The following TPCN2 variants were observed in gnomAD, a reference collection of about 807,000 sequenced individuals.
TPCN2 encodes two pore segment channel 2.
TPCN2 carries 92 observed loss-of-function variants against 111.4 expected under a neutral mutation model. The observed-to-expected ratio is 0.83, with a 90% confidence interval of 0.70 to 0.98. The LOEUF (loss-of-function observed/expected upper bound fraction) is 0.98. Ranked by LOEUF, TPCN2 falls within the 50% of genes least tolerant of loss-of-function variation. The probability of loss-of-function intolerance (pLI) is 0.00; values close to 1 mark genes in which losing one functional copy is unlikely to be tolerated. For synonymous variants in TPCN2, 405 were observed against 414.5 expected, an observed-to-expected ratio of 0.98 and a Z score of 0.28; for missense variants, 995 against 980.1, an observed-to-expected ratio of 1.02 and a Z score of -0.20.
chr11:69,088,154 G>A lies in TPCN2; in HGVS notation c.*201G>A. ...CTACAGAACAGCTGCTGGTGCTTCA[G>A]GGAGGCGCCGTGCCCTCCGCTTTCT... On this transcript the variant is annotated 3_prime_UTR_variant, in exon 25 of 25. Transcript: ENST00000294309. 1 of 559,960 alleles carries A rather than the reference G, an allele frequency of 1.8e-6. No homozygotes were observed. Among genetic ancestry groups the A allele is most frequent in the Non-Finnish European group, 3.2e-6 (1 of 314,642 alleles). The allele number at this position is 559,960 out of a possible 1,614,324, so 34.7% of individuals were successfully genotyped here. A position where few individuals can be genotyped will look rare whatever the true frequency, so the allele number is the denominator to read the frequency against.
intron 13 of TPCN2, among the ~76,000 whole-genome samples, chr11:69,076,803 A>G (rs146704930): frequency 0.031 from 95 of 3,016 alleles, 7 homozygotes; most frequent in Admixed American, 0.058. Context: ...CCCTCCTGCC[A>G]TGTCCCTCCA....
chr11:69,060,951 C>T (rs113934929), intron 5 of TPCN2, among the ~76,000 whole-genome samples: 25 of 152,314 alleles, frequency 1.6e-4, no homozygotes, highest in African/African-American at 5.8e-4. Context: ...CTCAGTCCTG[C>T]GCCAGGCCCT....
intron 13 of TPCN2, among the ~76,000 whole-genome samples, chr11:69,076,952 GTGTCCCTCCACCTGCCCTCCTGCCA>G (rs1855795407): frequency 3.3e-5 from 1 of 30,134 alleles, no homozygotes; most frequent in Non-Finnish European, 5.8e-5. Context: ...CCCTCCTGCT[GTGTCCCTCCACCTGCCCTCCTGCCA>G]TGTCCCTCCA....
At chr11:69,080,143 C>T (rs1855944541) in intron 17 of TPCN2, among the ~76,000 whole-genome samples, 2 of 152,340 alleles carry the variant, frequency 1.3e-5, no homozygotes, top group African/African-American at 4.8e-5. Flanking sequence ...TTGGAGATGC[C>T]CTCCCGGGCG....
intron 20 of TPCN2, 97 bp from the exon 21 acceptor site, chr11:69,085,574 G>C: frequency 2.3e-6 from 2 of 876,202 alleles, no homozygotes; most frequent in South Asian, 1.4e-5. Context: ...GTACCTTCAG[G>C]CCAGGCTGAG....
chr11:69,063,808 C>T lies in TPCN2; in HGVS notation c.654-87C>T, dbSNP rs1855132089. 6.9e-6 allele frequency: 9 copies of T among 1,301,632 alleles called. 1 individual carries two copies. Among genetic ancestry groups the T allele is most frequent in the South Asian group, 3.7e-5 (3 of 81,846 alleles). The allele number at this position is 1,301,632 out of a possible 1,614,324, so 80.6% of individuals were successfully genotyped here. Reference sequence around the variant, plus strand: ...ACCCCAGCTGCTGCAGACTCTTGGGCGCTCCTGTCACCGAGCCCTGCAGGC... The same window carrying T: ...ACCCCAGCTGCTGCAGACTCTTGGGTGCTCCTGTCACCGAGCCCTGCAGGC... On this transcript the variant is annotated intron_variant, in intron 6 of 24. Transcript: ENST00000294309.
chr11:69,053,296 C>T (rs1423766916), intron 1 of TPCN2, among the ~76,000 whole-genome samples: 6 of 152,202 alleles, frequency 3.9e-5, no homozygotes, highest in Non-Finnish European at 5.9e-5. Flanking sequence ...CTGGGGGACT[C>T]GGGCGTTCCT....
chr11:69,053,488 T>G (rs1406995334), intron 1 of TPCN2, among the ~76,000 whole-genome samples: 2 of 151,090 alleles, frequency 1.3e-5, no homozygotes, highest in Non-Finnish European at 1.5e-5. Flanking sequence ...GGTGGGACAC[T>G]GGGTACAGTG....
intron 2 of TPCN2, 79 bp downstream of exon 2, chr11:69,054,176 A>T (rs1223657411): frequency 8.1e-7 from 1 of 1,231,628 alleles, no homozygotes; most frequent in Non-Finnish European, 1.2e-6. Context: ...GGGGCGACTG[A>T]CTGGGTCCAA....
intron 17 of TPCN2, among the ~76,000 whole-genome samples, 190 bp from the exon 18 acceptor site, chr11:69,081,210 G>T (rs1260799571): frequency 6.6e-6 from 1 of 152,150 alleles, no homozygotes; most frequent in East Asian, 1.9e-4. Flanking sequence ...AAGCGGAGCA[G>T]TGAGTAGCCC....
chr11:69,058,741 C>T (rs1200927045), intron 5 of TPCN2, among the ~76,000 whole-genome samples: 2 of 152,204 alleles, frequency 1.3e-5, no homozygotes, highest in Non-Finnish European at 2.9e-5. Flanking sequence ...GTGGCCACCT[C>T]CTTCCTGTCT....
Position 69,089,252 on chromosome 11 carries a change from A to G in TPCN2, c.*1299A>G, listed in dbSNP as rs1856376149. The stretch of plus-strand genomic sequence containing the variant: ...TTTACTCGTGTTGAATAATAACAAT[A>G]ACAATAACAATAACAATATGGAAAC... On this transcript the variant is annotated 3_prime_UTR_variant, in exon 25 of 25. Coordinates refer to ENST00000294309, the MANE Select transcript of TPCN2 (RefSeq NM_139075.4). The G allele has an allele frequency of 6.6e-6, 1 of 152,172 alleles. No individual in the cohort carries two copies. The highest frequency in any genetic ancestry group is 2.4e-5 in the African/African-American group (1 of 41,428). 9.4% of individuals were successfully genotyped at this position (152,172 alleles called of 1,614,324 possible). A position where few individuals can be genotyped will look rare whatever the true frequency, so the allele number is the denominator to read the frequency against.
Position 69,080,606 on chromosome 11 carries a change from T to C in TPCN2, c.1589+723T>C, listed in dbSNP as rs376110494. ...GGTTAGGCCGGGCTCCTTGGGTCTC[T>C]GTGTGCTGTGTCATCCACCCCACTG... On this transcript the variant is annotated intron_variant, in intron 17 of 24. Coordinates refer to ENST00000294309, the MANE Select transcript of TPCN2 (RefSeq NM_139075.4). Among the ~76,000 whole-genome samples, 127 of 152,302 alleles carry C rather than the reference T, an allele frequency of 8.3e-4. 1 individual carries two copies. Among genetic ancestry groups the C allele is most frequent in the African/African-American group, 2.9e-3 (122 of 41,578 alleles).
At chr11:69,051,574 CG>C (rs1193024660) in intron 1 of TPCN2, among the ~76,000 whole-genome samples, 1 of 152,184 alleles carries the variant, frequency 6.6e-6, no homozygotes, top group Non-Finnish European at 1.5e-5. Context: ...CTGGATGTTG[CG>C]GGGCAGAGGC....
chr11:69,075,195 A>G (rs537322508), intron 13 of TPCN2, among the ~76,000 whole-genome samples: 11 of 152,326 alleles, frequency 7.2e-5, no homozygotes, highest in African/African-American at 2.6e-4. Flanking sequence ...TTTGGGAGCC[A>G]CAATAGCCTT....
At chr11:69,084,400 T>C (rs563821130) in intron 19 of TPCN2, among the ~76,000 whole-genome samples, 1 of 152,334 alleles carries the variant, frequency 6.6e-6, no homozygotes, top group Admixed American at 6.5e-5. Flanking sequence ...AGCCCTGGGA[T>C]GAGGACTTGG....
chr11:69,081,412 G>A lies in TPCN2; in HGVS notation c.1602G>A (p.Met534Ile), dbSNP rs1356781530. Residue 534 changes from methionine to isoleucine, a missense_variant, in exon 18 of 25, where the codon ATG becomes ATA. Physicochemically the swap from Met to Ile is conservative, Grantham distance 10. Transcript: ENST00000294309. ...RLPHPGWRPEMVGLLSLWDMT... is the reference protein window; with the variant it reads ...RLPHPGWRPEIVGLLSLWDMT... ...TGTCTCTCCCCAGGAGGCCGGAGAT[G>A]GTGGGCCTGCTGTCGCTGTGGGACA... The A allele has an allele frequency of 1.9e-6, 3 of 1,555,408 alleles. No individual in the cohort carries two copies. In the South Asian group the frequency reaches 3.5e-5, roughly 18 times the overall value.
At chr11:69,056,879 C>T (rs1854797003) in intron 4 of TPCN2, among the ~76,000 whole-genome samples, 1 of 151,312 alleles carries the variant, frequency 6.6e-6, no homozygotes, top group Non-Finnish European at 1.5e-5. Flanking sequence ...GCTCTGTCGC[C>T]CAGGCTAGGG....
Position 69,087,315 on chromosome 11 carries a change from C to T in TPCN2, c.2180+109C>T, listed in dbSNP as rs1856327328. 4 of 890,636 alleles carry T rather than the reference C, an allele frequency of 4.5e-6. No individual in the cohort carries two copies. The East Asian group carries it at 8.0e-5, about 18-fold the overall frequency. 55.2% of individuals were successfully genotyped at this position (890,636 alleles called of 1,614,324 possible). A position where few individuals can be genotyped will look rare whatever the true frequency, so the allele number is the denominator to read the frequency against. On this transcript the variant is annotated intron_variant, in intron 24 of 24. Transcript: ENST00000294309. ...GCAGGCCCTGATGACTGTCCTCCCCCTCCGCCCGGTTATCTGGCTTTGGTC... is the reference window on the plus strand; with the variant it reads ...GCAGGCCCTGATGACTGTCCTCCCCTTCCGCCCGGTTATCTGGCTTTGGTC...
Sources: gnomAD v4.1 joint callset for allele counts (sites outside exome capture counted in the v4.1 genomes callset) on GRCh38, gnomAD v4.1.1 for gene constraint, MANE v1.5 for transcripts, NCBI Gene and HGNC (gene_info 2026-07-23, HGNC 2026-07-21) for gene names.